The following CDH13 variants were observed in gnomAD, a reference collection of about 807,000 sequenced individuals.
CDH13 encodes cadherin 13.
A neutral mutation model predicts 63.8 loss-of-function variants in CDH13; 24 were observed. That is an observed-to-expected ratio of 0.38 (90% CI 0.27 to 0.53). The LOEUF (loss-of-function observed/expected upper bound fraction) is 0.53. Among genes scored for constraint, CDH13 ranks in the 20% least tolerant of loss-of-function variants. CDH13 has a pLI of 0.85. For missense variants in CDH13, 1,049 were observed against 903.1 expected (o/e 1.16, Z -2.07); for synonymous variants, 503 against 355.3 (o/e 1.42, Z -4.67).
intron 2 of CDH13, among the ~76,000 whole-genome samples, chr16:82,887,965 A>G (rs1190343014): frequency 6.6e-6 from 1 of 152,184 alleles, no homozygotes; most frequent in Non-Finnish European, 1.5e-5. Context: ...TGTGATTCTG[A>G]ACTTAAACAG....
intron 1 of CDH13, among the ~76,000 whole-genome samples, chr16:82,784,484 C>T (rs775925253): frequency 1.3e-5 from 2 of 152,110 alleles, no homozygotes; most frequent in Non-Finnish European, 1.5e-5. Context: ...AGGGTTTATC[C>T]TTGTCATTTA....
chr16:82,863,577 G>C (rs1397766480), intron 2 of CDH13, among the ~76,000 whole-genome samples: 1 of 152,176 alleles, frequency 6.6e-6, no homozygotes, highest in South Asian at 2.1e-4. Context: ...GGTAGTCCCT[G>C]CTTCTAGAGC....
intron 5 of CDH13, among the ~76,000 whole-genome samples, chr16:83,316,627 G>C (rs1304565446): frequency 1.3e-5 from 2 of 152,114 alleles, no homozygotes; most frequent in African/African-American, 4.8e-5. Flanking sequence ...GCAGGAGAGA[G>C]GTGAGATGCG....
intron 1 of CDH13, among the ~76,000 whole-genome samples, chr16:82,814,601 A>G (rs1405191261): frequency 6.6e-6 from 1 of 152,106 alleles, no homozygotes; most frequent in African/African-American, 2.4e-5. Context: ...ACCTTTCCAC[A>G]TACCTTTCCC....
At chr16:82,676,111 C>T (rs1483928788) in intron 1 of CDH13, among the ~76,000 whole-genome samples, 1 of 152,206 alleles carries the variant, frequency 6.6e-6, no homozygotes, top group Non-Finnish European at 1.5e-5. Flanking sequence ...ATTTTATTTT[C>T]ACAATGATCT....
intron 1 of CDH13, among the ~76,000 whole-genome samples, chr16:82,804,276 TACACACACACACAC>T (rs140828245): frequency 1.5e-5 from 2 of 135,034 alleles, no homozygotes; most frequent in African/African-American, 3.0e-5. Context: ...GGGATCTTGC[TACACACACACACAC>T]ACACACACAC....
chr16:83,574,448 A>T (rs1191801255), intron 7 of CDH13, among the ~76,000 whole-genome samples: 2 of 152,098 alleles, frequency 1.3e-5, no homozygotes, highest in African/African-American at 4.8e-5. Flanking sequence ...TGGTGAGGAA[A>T]AGCAGCTGTG....
intron 6 of CDH13, among the ~76,000 whole-genome samples, chr16:83,449,944 A>G (rs2072837093): frequency 6.6e-6 from 1 of 152,216 alleles, no homozygotes; most frequent in Admixed American, 6.5e-5. Flanking sequence ...CTCTAATAGA[A>G]GAAAAAGAGC....
intron 1 of CDH13, among the ~76,000 whole-genome samples, chr16:82,686,205 A>G (rs1265412921): frequency 6.6e-6 from 1 of 152,232 alleles, no homozygotes; most frequent in Non-Finnish European, 1.5e-5. Context: ...GAGTGATCAT[A>G]CAATTTCTAA....
intron 11 of CDH13, among the ~76,000 whole-genome samples, chr16:83,757,103 G>T (rs1341067727): frequency 6.6e-6 from 1 of 152,088 alleles, no homozygotes; most frequent in Non-Finnish European, 1.5e-5. Context: ...ATTAAACTAA[G>T]CATTAGTAGC....
intron 1 of CDH13, among the ~76,000 whole-genome samples, chr16:82,654,393 A>C (rs16958020): frequency 6.6e-6 from 1 of 152,200 alleles, no homozygotes; most frequent in African/African-American, 2.4e-5. Context: ...TGAGCCAAGC[A>C]TATAACATTG....
intron 5 of CDH13, among the ~76,000 whole-genome samples, chr16:83,322,244 G>C (rs2090246909): frequency 6.6e-6 from 1 of 152,130 alleles, no homozygotes; most frequent in Non-Finnish European, 1.5e-5. Context: ...TCTCTCTGGA[G>C]CAGCACTTGC....
chr16:82,883,374 A>T (rs1398445296), intron 2 of CDH13, among the ~76,000 whole-genome samples: 1 of 152,220 alleles, frequency 6.6e-6, no homozygotes, highest in Non-Finnish European at 1.5e-5. Flanking sequence ...AAGCTCTCAC[A>T]CTTGAGTGTC....
chr16:83,392,320 G>A (rs1207499408), intron 6 of CDH13, among the ~76,000 whole-genome samples: 1 of 152,160 alleles, frequency 6.6e-6, no homozygotes, highest in Non-Finnish European at 1.5e-5. Flanking sequence ...TGCCTCACGA[G>A]CTGTAAGTAC....
chr16:83,698,058 G>A (rs1180507472), intron 10 of CDH13, among the ~76,000 whole-genome samples: 3 of 152,224 alleles, frequency 2.0e-5, no homozygotes, highest in Admixed American at 6.5e-5. Context: ...CCCCTTGAGG[G>A]CACGGACCAT....
chr16:83,685,822 C>T (rs1369949939), intron 10 of CDH13, among the ~76,000 whole-genome samples: 11 of 152,184 alleles, frequency 7.2e-5, no homozygotes, highest in African/African-American at 1.2e-4. Context: ...ACCCTGCTTT[C>T]GTCCTGCCTG....
intron 6 of CDH13, among the ~76,000 whole-genome samples, chr16:83,476,744 A>G (rs9941092): frequency 0.87 from 133,035 of 152,158 alleles, 58,227 homozygotes; most frequent in East Asian, 0.95. Flanking sequence ...TGTTTTTAAG[A>G]GTTTATGGAA....
chr16:83,449,154 A>T (rs1439018819), intron 6 of CDH13, among the ~76,000 whole-genome samples: 1 of 152,194 alleles, frequency 6.6e-6, no homozygotes, highest in East Asian at 1.9e-4. Context: ...AAAATAAATC[A>T]GCCCGGATGG....
chr16:83,428,145 G>T (rs1039046771), intron 6 of CDH13, among the ~76,000 whole-genome samples: 1 of 152,162 alleles, frequency 6.6e-6, no homozygotes, highest in African/African-American at 2.4e-5. Flanking sequence ...GGGGGAAATG[G>T]CACCTTTTGA....
Sources: gnomAD v4.1 joint callset for allele counts (sites outside exome capture counted in the v4.1 genomes callset) on GRCh38, gnomAD v4.1.1 for gene constraint, MANE v1.5 for transcripts, NCBI Gene and HGNC (gene_info 2026-07-23, HGNC 2026-07-21) for gene names.